The following EYS variants were observed in gnomAD, a reference collection of about 807,000 sequenced individuals.
EYS encodes EGF-like photoreceptor maintenance factor.
EYS carries 250 observed loss-of-function variants against 282.1 expected under a neutral mutation model. That is an observed-to-expected ratio of 0.89 (90% confidence interval 0.80 to 0.98). The LOEUF (loss-of-function observed/expected upper bound fraction) is 0.98. Ranked by LOEUF, EYS falls within the 50% of genes least tolerant of loss-of-function variation. EYS has a pLI of 0.00. For missense variants in EYS, 4,016 were observed against 3,709.0 expected (o/e 1.08, Z -2.15); for synonymous variants, 1,355 against 1,282.9 (o/e 1.06, Z -1.20).
At chr6:64,973,288 C>T (rs1770359123) in intron 14 of EYS, among the ~76,000 whole-genome samples, 1 of 152,000 alleles carries the variant, frequency 6.6e-6, no homozygotes, top group Admixed American at 6.6e-5. Flanking sequence ...ATGTACTAGG[C>T]ACTAGCCACT....
At chr6:63,966,401 T>C (rs891230758) in intron 35 of EYS, among the ~76,000 whole-genome samples, 1 of 152,120 alleles carries the variant, frequency 6.6e-6, no homozygotes, top group Non-Finnish European at 1.5e-5. Context: ...ACTACAAATA[T>C]GGTGCAGTGT....
intron 10 of EYS, 129 bp from the exon 11 acceptor site, chr6:65,335,275 G>T (rs1769945952): frequency 2.7e-6 from 2 of 731,194 alleles, no homozygotes; most frequent in Non-Finnish European, 4.8e-6. Flanking sequence ...TAAGGAAACA[G>T]AAGGTAACTA....
At chr6:65,539,890 C>T (rs918742712) in intron 2 of EYS, among the ~76,000 whole-genome samples, 2 of 152,116 alleles carry the variant, frequency 1.3e-5, no homozygotes, top group African/African-American at 4.8e-5. Context: ...TTCATCCAAC[C>T]AGATGTGTAA....
At chr6:64,576,806 T>A (rs1469818032) in intron 26 of EYS, among the ~76,000 whole-genome samples, 1 of 152,142 alleles carries the variant, frequency 6.6e-6, no homozygotes, top group African/African-American at 2.4e-5. Context: ...CTAAGAAAGC[T>A]AATTTAGTAT....
At chr6:64,133,169 AT>A (rs527856470) in intron 31 of EYS, among the ~76,000 whole-genome samples, 3 of 151,706 alleles carry the variant, frequency 2.0e-5, no homozygotes, top group African/African-American at 7.3e-5. Context: ...TCTAATTTTG[AT>A]TTTTTTCCTC....
chr6:64,788,866 A>C (rs1774098564), intron 22 of EYS, among the ~76,000 whole-genome samples: 1 of 152,188 alleles, frequency 6.6e-6, no homozygotes, highest in South Asian at 2.1e-4. Flanking sequence ...TTTTTAATAA[A>C]TATTTTAATA....
At chr6:64,359,689 T>C (rs910687370) in intron 29 of EYS, among the ~76,000 whole-genome samples, 2 of 151,704 alleles carry the variant, frequency 1.3e-5, no homozygotes, top group Admixed American at 6.6e-5. Context: ...GGCTTGCAGA[T>C]GGCCTCTTTC....
At chr6:64,892,840 T>C (rs1767330666) in intron 18 of EYS, among the ~76,000 whole-genome samples, 2 of 151,978 alleles carry the variant, frequency 1.3e-5, no homozygotes, top group Non-Finnish European at 2.9e-5. Flanking sequence ...TACAGAAGAG[T>C]AAACAGATTT....
At chr6:65,378,760 C>A (rs1470445506) in intron 8 of EYS, among the ~76,000 whole-genome samples, 2 of 151,986 alleles carry the variant, frequency 1.3e-5, no homozygotes, top group African/African-American at 2.4e-5. Flanking sequence ...TGGAAACCAT[C>A]ATTCTCAGCA....
At chr6:64,163,778 A>T (rs1018106887) in intron 31 of EYS, among the ~76,000 whole-genome samples, 1 of 152,104 alleles carries the variant, frequency 6.6e-6, no homozygotes, top group African/African-American at 2.4e-5. Flanking sequence ...AAAAATTTCA[A>T]GTGATATATG....
At chr6:64,410,677 T>C (rs1030031087) in intron 28 of EYS, among the ~76,000 whole-genome samples, 3 of 152,158 alleles carry the variant, frequency 2.0e-5, no homozygotes, top group African/African-American at 7.2e-5. Flanking sequence ...TCATAAAACA[T>C]GAAAAATTCT....
intron 2 of EYS, among the ~76,000 whole-genome samples, chr6:65,574,653 T>C (rs1057361108): frequency 2.0e-5 from 3 of 152,240 alleles, no homozygotes; most frequent in Middle Eastern, 3.4e-3. Flanking sequence ...AAATAGACTG[T>C]AATACAACAA....
intron 5 of EYS, among the ~76,000 whole-genome samples, chr6:65,472,038 G>A (rs921742315): frequency 6.6e-6 from 1 of 152,028 alleles, no homozygotes; most frequent in Non-Finnish European, 1.5e-5. Context: ...ATATTACTCA[G>A]TGCCTGAATA....
At chr6:65,635,075 C>T (rs1767040192) in intron 2 of EYS, among the ~76,000 whole-genome samples, 1 of 152,176 alleles carries the variant, frequency 6.6e-6, no homozygotes, top group African/African-American at 2.4e-5. Flanking sequence ...CATTTAAGTG[C>T]TGTGCTAAAA....
intron 28 of EYS, among the ~76,000 whole-genome samples, chr6:64,427,674 T>C (rs1486219300): frequency 1.3e-5 from 2 of 152,096 alleles, no homozygotes; most frequent in Non-Finnish European, 2.9e-5. Context: ...GAAGCAAATA[T>C]AGGCTTGACT....
At chr6:65,162,656 C>T (rs1015017163) in intron 12 of EYS, among the ~76,000 whole-genome samples, 4 of 141,210 alleles carry the variant, frequency 2.8e-5, no homozygotes, top group Admixed American at 1.4e-4. Context: ...AAATATATTT[C>T]CATGTCCTGA....
chr6:65,195,900 T>C (rs542351348), intron 12 of EYS, among the ~76,000 whole-genome samples: 19 of 152,156 alleles, frequency 1.2e-4, no homozygotes, highest in African/African-American at 4.3e-4. Context: ...AAACACAGAC[T>C]TCTGGAATAA....
At chr6:65,674,450 C>CAAAAAAAAAAA (rs56958605) in intron 1 of EYS, among the ~76,000 whole-genome samples, 2 of 34,760 alleles carry the variant, frequency 5.8e-5, no homozygotes, top group African/African-American at 2.1e-4. Context: ...GACTCCGTCT[C>CAAAAAAAAAAA]AAAAAAAAAA....
intron 12 of EYS, among the ~76,000 whole-genome samples, chr6:65,238,683 G>C (rs986688037): frequency 6.6e-6 from 1 of 151,878 alleles, no homozygotes; most frequent in Non-Finnish European, 1.5e-5. Context: ...TTACATTCTT[G>C]AACTCCTCTC....
Sources: allele counts gnomAD v4.1 joint callset (sites outside exome capture counted in the v4.1 genomes callset), GRCh38; gene constraint gnomAD v4.1.1; transcripts MANE v1.5; gene names NCBI Gene and HGNC (gene_info 2026-07-23, HGNC 2026-07-21).